The following ARPC5L variants were observed in gnomAD, a reference collection of about 807,000 sequenced individuals.
ARPC5L encodes actin-related protein 2/3 complex subunit 5-like protein.
ARPC5L carries 4 observed loss-of-function variants against 16.9 expected under a neutral mutation model. That is an observed-to-expected ratio of 0.24 (90% confidence interval 0.12 to 0.54). The LOEUF (loss-of-function observed/expected upper bound fraction) is 0.54, where lower values mean the gene tolerates loss of function less well. Among genes scored for constraint, ARPC5L ranks in the 20% least tolerant of loss-of-function variants. ARPC5L has a pLI of 0.95. For synonymous variants in ARPC5L, 78 were observed against 82.6 expected (o/e 0.94, Z 0.30); for missense variants, 151 against 201.9 (o/e 0.75, Z 1.53).
At position 124,868,630 on chromosome 9, in the gene ARPC5L, A is replaced by G. The variant is rs1214791073; in HGVS notation, c.-661A>G. ...TCCCGTGATCGCACTAAACGTATTT[A>G]AAGCCCCCTACTCCTTTAAGAGGGT... On this transcript the variant is annotated 5_prime_UTR_variant, in exon 3 of 6. Coordinates refer to ENST00000353214, the MANE Select transcript of ARPC5L (RefSeq NM_030978.3). 1 of 152,272 alleles carries G rather than the reference A, an allele frequency of 6.6e-6. No individual in the cohort carries two copies. Among genetic ancestry groups the G allele is most frequent in the East Asian group, 1.9e-4 (1 of 5,194 alleles). The allele number at this position is 152,272 out of a possible 1,614,324, so 9.4% of individuals were successfully genotyped here.
intron 3 of ARPC5L, chr9:124,873,442 C>A: frequency 1.8e-6 from 1 of 553,802 alleles, no homozygotes; most frequent in Non-Finnish European, 3.3e-6. Context: ...CAAGTTACCC[C>A]TCCAGGACAG....
Position 124,875,159 on chromosome 9 carries a change from A to G in ARPC5L, c.399+8A>G. 1 of 1,611,380 alleles carries G rather than the reference A, an allele frequency of 6.2e-7. No individual in the cohort carries two copies. Among genetic ancestry groups the G allele is most frequent in the Non-Finnish European group, 8.5e-7 (1 of 1,178,264 alleles). ...CTCCAGTGGCACGAAAAGGTATGTG[A>G]ACGCTGCCACGCGCCCCAGTGAGCC... is the stretch of plus-strand genomic sequence containing the variant. On this transcript the variant is annotated splice_region_variant and intron_variant, in intron 5 of 5. Coordinates refer to ENST00000353214, the MANE Select transcript of ARPC5L (RefSeq NM_030978.3).
intron 2 of ARPC5L, among the ~76,000 whole-genome samples, chr9:124,867,873 G>T (rs1341655837): frequency 6.8e-6 from 1 of 147,124 alleles, no homozygotes; most frequent in African/African-American, 2.5e-5. Flanking sequence ...GTAATGGCGC[G>T]ATCTCAGCTC....
At position 124,869,220 on chromosome 9, in the gene ARPC5L, C is replaced by G; in HGVS notation, c.-71C>G. 2.2e-6 allele frequency: 3 copies of G among 1,368,860 alleles called. No individual in the cohort carries two copies. The highest frequency in any genetic ancestry group is 3.1e-5 in the East Asian group (1 of 32,186). 84.8% of individuals were successfully genotyped at this position (1,368,860 alleles called of 1,614,324 possible). The stretch of plus-strand genomic sequence containing the variant: ...GCCGCTTCCCGCCCCCGAGCAGGAG[C>G]CGGTGCGAGCGGAGCAGAGCCGAGG... On this transcript the variant is annotated 5_prime_UTR_variant, in exon 3 of 6. Transcript: ENST00000353214.
intron 5 of ARPC5L, 120 bp downstream of exon 5, chr9:124,875,271 C>T (rs111504855): frequency 5.3e-6 from 6 of 1,142,540 alleles, no homozygotes; most frequent in Admixed American, 2.5e-5. Flanking sequence ...GGTCAGAGGA[C>T]GAGCCCCAAC....
At chr9:124,864,926 G>A (rs1354646430) in intron 2 of ARPC5L, among the ~76,000 whole-genome samples, 2 of 151,918 alleles carry the variant, frequency 1.3e-5, no homozygotes, top group Non-Finnish European at 2.9e-5. Context: ...TTCTGCCTCA[G>A]CCTCCCAGCC....
intron 3 of ARPC5L, among the ~76,000 whole-genome samples, chr9:124,870,196 A>C (rs1166317930): frequency 2.0e-5 from 3 of 152,208 alleles, no homozygotes; most frequent in Non-Finnish European, 4.4e-5. Context: ...GAAAAACCAG[A>C]CACCTTGAAG....
Position 124,877,007 on chromosome 9 carries a change from T to G in ARPC5L, c.*67T>G. On this transcript the variant is annotated 3_prime_UTR_variant, in exon 6 of 6. Transcript: ENST00000353214. The stretch of plus-strand genomic sequence containing the variant: ...ATGCCCAGGCTGGTGAAGAAGGGAT[T>G]GACAATGGACCATCTTCCTAGGAAC... The G allele has an allele frequency of 7.7e-7, 1 of 1,298,504 alleles. No homozygotes were observed. The highest frequency in any genetic ancestry group is 1.1e-6 in the Non-Finnish European group (1 of 920,512). 80.4% of individuals were successfully genotyped at this position (1,298,504 alleles called of 1,614,324 possible). A position where few individuals can be genotyped will look rare whatever the true frequency, so the allele number is the denominator to read the frequency against.
chr9:124,865,414 C>T (rs1459759433), intron 2 of ARPC5L, among the ~76,000 whole-genome samples: 3 of 150,146 alleles, frequency 2.0e-5, no homozygotes, highest in African/African-American at 7.4e-5. Context: ...ACATCTTTTT[C>T]GAACCTGAAG....
chr9:124,866,394 G>T (rs1829271199), intron 2 of ARPC5L, among the ~76,000 whole-genome samples: 1 of 151,378 alleles, frequency 6.6e-6, no homozygotes, highest in Non-Finnish European at 1.5e-5. Context: ...ACAGAGTGAG[G>T]CTCCATCTCA....
At chr9:124,867,873 G>C (rs1341655837) in intron 2 of ARPC5L, among the ~76,000 whole-genome samples, 1 of 147,124 alleles carries the variant, frequency 6.8e-6, no homozygotes, top group African/African-American at 2.5e-5. Flanking sequence ...GTAATGGCGC[G>C]ATCTCAGCTC....
At chr9:124,864,357 T>G (rs1198399432) in intron 2 of ARPC5L, among the ~76,000 whole-genome samples, 3 of 151,976 alleles carry the variant, frequency 2.0e-5, no homozygotes, top group African/African-American at 7.3e-5. Flanking sequence ...CCGGCTAATC[T>G]TTGTATTTTT....
At chr9:124,876,356 G>A (rs900217105) in intron 5 of ARPC5L, among the ~76,000 whole-genome samples, 7 of 152,066 alleles carry the variant, frequency 4.6e-5, no homozygotes, top group South Asian at 2.1e-4. Context: ...GGGTGGTGGC[G>A]GGCGCCTGTA....
chr9:124,869,412 C>T lies in ARPC5L; in HGVS notation c.122C>T (p.Pro41Leu). 6.7e-7 allele frequency: 1 copy of T among 1,498,994 alleles called. No individual in the cohort carries two copies. The highest frequency in any genetic ancestry group is 8.9e-7 in the Non-Finnish European group (1 of 1,124,138). The allele number at this position is 1,498,994 out of a possible 1,614,324, so 92.9% of individuals were successfully genotyped here. A position where few individuals can be genotyped will look rare whatever the true frequency, so the allele number is the denominator to read the frequency against. Reference protein sequence around the residue: ...AAAAAEPGPDPSEVDGLLRQG... With the variant: ...AAAAAEPGPDLSEVDGLLRQG... ...GCGGCGGCGGAGCCAGGCCCGGACCCGAGCGAGGTGGACGGGCTCCTGCGG... is the reference window on the plus strand; with the variant it reads ...GCGGCGGCGGAGCCAGGCCCGGACCTGAGCGAGGTGGACGGGCTCCTGCGG... Residue 41 changes from proline to leucine, a missense_variant, in exon 3 of 6, where the codon CCG (proline) becomes CTG (leucine). By Grantham distance (98) the Pro-to-Leu change is moderately conservative. Coordinates refer to ENST00000353214, the MANE Select transcript of ARPC5L (RefSeq NM_030978.3).
intron 2 of ARPC5L, among the ~76,000 whole-genome samples, chr9:124,866,320 C>T (rs1157850619): frequency 6.6e-6 from 1 of 151,786 alleles, no homozygotes; most frequent in Admixed American, 6.6e-5. Flanking sequence ...AGGAGAATCA[C>T]CTGAACCCTG....
intron 3 of ARPC5L, 143 bp downstream of exon 3, chr9:124,869,582 C>T (rs1451360570): frequency 9.8e-6 from 13 of 1,332,262 alleles, no homozygotes; most frequent in African/African-American, 1.6e-5. Flanking sequence ...CCCTGCCGAC[C>T]CGGCTTCCCT....
chr9:124,873,471 T>G, intron 3 of ARPC5L: 1 of 587,508 alleles, frequency 1.7e-6, no homozygotes, highest in Non-Finnish European at 3.1e-6. Context: ...ACGTGGAAGG[T>G]AGAGAGGGAG....
chr9:124,877,045 T>A lies in ARPC5L; in HGVS notation c.*105T>A. On this transcript the variant is annotated 3_prime_UTR_variant, in exon 6 of 6. Transcript: ENST00000353214. ...TCTTCCTAGGAACTCCCAAGTAAAC[T>A]ATTTCAGGACATGTATCTGCTGAAA... 1.1e-5 allele frequency: 9 copies of A among 846,120 alleles called. No individual in the cohort carries two copies. In the South Asian group the frequency reaches 1.5e-4, roughly 14 times the overall value. 52.4% of individuals were successfully genotyped at this position (846,120 alleles called of 1,614,324 possible). A position where few individuals can be genotyped will look rare whatever the true frequency, so the allele number is the denominator to read the frequency against.
At chr9:124,871,346 C>T (rs1030712382) in intron 3 of ARPC5L, among the ~76,000 whole-genome samples, 7 of 152,186 alleles carry the variant, frequency 4.6e-5, no homozygotes, top group Admixed American at 3.3e-4. Flanking sequence ...TCTTCTGTTA[C>T]GTGGCGGACA....
Sources: gnomAD v4.1 joint callset for allele counts (sites outside exome capture counted in the v4.1 genomes callset) on GRCh38, gnomAD v4.1.1 for gene constraint, MANE v1.5 for transcripts, NCBI Gene and HGNC (gene_info 2026-07-23, HGNC 2026-07-21) for gene names.